Variants in NPAS3 observed in about 807,000 individuals in gnomAD.
NPAS3 encodes the protein neuronal PAS domain protein 3.
Under a neutral mutation model 73.1 loss-of-function variants are expected in NPAS3, and 14 were observed. That is an observed-to-expected ratio of 0.19 (90% CI 0.13 to 0.30). The LOEUF (loss-of-function observed/expected upper bound fraction) is 0.30, where lower values mean the gene tolerates loss of function less well. Among genes scored for constraint, NPAS3 ranks in the 10% least tolerant of loss-of-function variants. The probability of loss-of-function intolerance (pLI) is 1.00; values close to 1 mark genes in which losing one functional copy is unlikely to be tolerated. For missense variants in NPAS3, 1,096 were observed against 1,250.0 expected (o/e 0.88, Z 1.86); for synonymous variants, 620 against 541.5 (o/e 1.14, Z -2.01).
chr14:33,676,544 CT>C (rs1164857562), intron 6 of NPAS3, among the ~76,000 whole-genome samples, 159 bp downstream of exon 6: 1 of 152,136 alleles, frequency 6.6e-6, no homozygotes, highest in Non-Finnish European at 1.5e-5. Flanking sequence ...AGGAAGAGAT[CT>C]GAAAATAAGG....
At chr14:33,291,702 C>A (rs562508925) in intron 3 of NPAS3, among the ~76,000 whole-genome samples, 1 of 152,308 alleles carries the variant, frequency 6.6e-6, no homozygotes, top group South Asian at 2.1e-4. Flanking sequence ...CAAACTGGCA[C>A]AGTTAACATG....
In NPAS3 at chr14:33,620,944, G is replaced by C. The variant is rs1220675913; in HGVS notation, c.559-55267G>C. ...TGTGGTTATATGTCATCTAACTTAA[G>C]TCTGGCCAGATATGAAAATGCTTTA... On this transcript the variant is annotated intron_variant, in intron 5 of 11. Coordinates refer to ENST00000356141, the Ensembl canonical transcript of NPAS3. 2.6e-5 allele frequency among the ~76,000 whole-genome samples: 4 copies of C among 152,252 alleles called. No homozygotes were observed. The East Asian group carries it at 7.7e-4, about 29-fold the overall frequency.
At chr14:33,205,880 A>G (rs2046802079) in intron 2 of NPAS3, among the ~76,000 whole-genome samples, 1 of 152,222 alleles carries the variant, frequency 6.6e-6, no homozygotes, top group Non-Finnish European at 1.5e-5. Context: ...GTTGTGTTTC[A>G]GAAGTGTTTG....
chr14:32,962,899 G>A (rs140835356), intron 1 of NPAS3, among the ~76,000 whole-genome samples: 1,995 of 148,382 alleles, frequency 0.013, 40 homozygotes, highest in African/African-American at 0.047. Flanking sequence ...TTTTTTTAAA[G>A]AGGTGGGGTC....
At chr14:33,657,716 A>G (rs2059185641) in intron 5 of NPAS3, among the ~76,000 whole-genome samples, 1 of 152,210 alleles carries the variant, frequency 6.6e-6, no homozygotes, top group Non-Finnish European at 1.5e-5. Flanking sequence ...TGCCCTTGGC[A>G]GGAGTAGTCC....
chr14:33,530,829 TA>T (rs773275733), intron 4 of NPAS3, among the ~76,000 whole-genome samples: 22 of 152,160 alleles, frequency 1.4e-4, no homozygotes, highest in Non-Finnish European at 2.5e-4. Context: ...GAGCTGTTGC[TA>T]AAAAATCGAA....
chr14:33,094,762 G>A (rs901574035), intron 2 of NPAS3, among the ~76,000 whole-genome samples: 28 of 152,130 alleles, frequency 1.8e-4, no homozygotes, highest in African/African-American at 6.8e-4. Flanking sequence ...CACCGCGCCA[G>A]GCTGATGAAG....
chr14:32,984,870 T>C (rs1277675870), intron 1 of NPAS3, among the ~76,000 whole-genome samples: 1 of 152,204 alleles, frequency 6.6e-6, no homozygotes, highest in African/African-American at 2.4e-5. Flanking sequence ...GGCCACCAAG[T>C]CTACAGCTCC....
intron 5 of NPAS3, among the ~76,000 whole-genome samples, chr14:33,580,076 A>G (rs777245482): frequency 6.6e-6 from 1 of 152,194 alleles, no homozygotes; most frequent in Non-Finnish European, 1.5e-5. Flanking sequence ...GGTAGTCTTG[A>G]AGCTACTGTC....
chr14:33,471,049 T>C (rs940725133), intron 4 of NPAS3, among the ~76,000 whole-genome samples: 1 of 152,226 alleles, frequency 6.6e-6, no homozygotes, highest in Non-Finnish European at 1.5e-5. Flanking sequence ...TAGCCAGTTA[T>C]ACGCTGTCCT....
chr14:33,361,830 A>G (rs999602721), intron 3 of NPAS3, among the ~76,000 whole-genome samples: 5 of 152,172 alleles, frequency 3.3e-5, no homozygotes, highest in African/African-American at 4.8e-5. Context: ...TCCTGAATAC[A>G]TGAGATTTTT....
intron 1 of NPAS3, among the ~76,000 whole-genome samples, chr14:32,964,550 T>C (rs1042347854): frequency 1.7e-4 from 26 of 152,198 alleles, no homozygotes; most frequent in Admixed American, 1.5e-3. Context: ...AATGAAGATG[T>C]TTAAAATTCT....
At position 33,097,304 on chromosome 14, in the gene NPAS3, A is replaced by G. The variant is rs1303254524; in HGVS notation, c.140+41310A>G. 2.6e-5 allele frequency among the ~76,000 whole-genome samples: 4 copies of G among 152,340 alleles called. 1 individual carries two copies. In the South Asian group the frequency reaches 6.2e-4, roughly 24 times the overall value. On this transcript the variant is annotated intron_variant, in intron 2 of 11. Coordinates refer to ENST00000356141, the Ensembl canonical transcript of NPAS3. ...CTCTTGAACTTCCTATAATAGAATC[A>G]TATCATATGTAATCATTTATGTTTG...
intron 1 of NPAS3, among the ~76,000 whole-genome samples, chr14:33,019,056 T>C (rs2039497076): frequency 6.6e-6 from 1 of 152,264 alleles, no homozygotes; most frequent in African/African-American, 2.4e-5. Flanking sequence ...TCTCTTAAGA[T>C]TACTGGCTAC....
intron 5 of NPAS3, among the ~76,000 whole-genome samples, chr14:33,616,656 G>A (rs570035826): frequency 3.8e-4 from 58 of 152,312 alleles, no homozygotes; most frequent in African/African-American, 9.9e-4. Context: ...TCAGCGCAGA[G>A]GGGCTGAGGT....
intron 7 of NPAS3, among the ~76,000 whole-genome samples, chr14:33,739,751 G>A (rs2061610076): frequency 6.6e-6 from 1 of 152,128 alleles, no homozygotes; most frequent in African/African-American, 2.4e-5. Context: ...CTATTTAACA[G>A]TATGATATCT....
intron 2 of NPAS3, among the ~76,000 whole-genome samples, chr14:33,146,666 T>C (rs2044247076): frequency 6.6e-6 from 1 of 152,240 alleles, no homozygotes; most frequent in East Asian, 1.9e-4. Flanking sequence ...AAGTGGTTTA[T>C]CTTATTCACC....
intron 2 of NPAS3, among the ~76,000 whole-genome samples, chr14:33,101,920 T>A (rs938073772): frequency 5.3e-5 from 8 of 152,076 alleles, no homozygotes; most frequent in Non-Finnish European, 8.8e-5. Flanking sequence ...TCACCCAGTT[T>A]TACAAGCCAT....
intron 4 of NPAS3, among the ~76,000 whole-genome samples, chr14:33,423,355 G>GACAT (rs1345641045): frequency 2.0e-5 from 3 of 151,880 alleles, no homozygotes; most frequent in South Asian, 4.2e-4. Flanking sequence ...TCACTACAGG[G>GACAT]ACATGTGAGA....
Sources: allele counts gnomAD v4.1 joint callset (sites outside exome capture counted in the v4.1 genomes callset), GRCh38; gene constraint gnomAD v4.1.1; transcripts MANE v1.5; gene names NCBI Gene and HGNC (gene_info 2026-07-23, HGNC 2026-07-21).